Variants in KLF12 observed in about 807,000 individuals in gnomAD.
KLF12 encodes the protein Krueppel-like factor 12.
Under a neutral mutation model 37.8 loss-of-function variants are expected in KLF12, and 9 were observed. The observed-to-expected ratio is 0.24, with a 90% CI of 0.14 to 0.42. The LOEUF is 0.42. Ranked by LOEUF, KLF12 falls within the 10% of genes least tolerant of loss-of-function variation. The pLI is 1.00. For synonymous variants in KLF12, 208 were observed against 202.1 expected, an observed-to-expected ratio of 1.03 and a Z score of -0.25; for missense variants, 411 against 516.0, an observed-to-expected ratio of 0.80 and a Z score of 1.97.
intron 1 of KLF12, among the ~76,000 whole-genome samples, chr13:73,995,303 A>G (rs1892079279): frequency 6.6e-6 from 1 of 152,126 alleles, no homozygotes; most frequent in Non-Finnish European, 1.5e-5. Flanking sequence ...AATAATTAAG[A>G]CCTAGACAAA....
In KLF12 at chr13:73,898,030, G is replaced by T. The variant is rs116490011; in HGVS notation, c.123+45951C>A. Among the ~76,000 whole-genome samples, 341 of 152,182 alleles carry T rather than the reference G, an allele frequency of 2.2e-3. 2 individuals carry two copies. Among genetic ancestry groups the T allele is most frequent in the African/African-American group, 7.9e-3 (328 of 41,538 alleles). On this transcript the variant is annotated intron_variant, in intron 3 of 7. Transcript: ENST00000377669. ...AGGGGTCCTTGTAAAGATAGTTCCT[G>T]CCAGGGTACGCTCTTCTCCCTCACT...
chr13:73,923,104 T>A (rs1018470715), intron 3 of KLF12, among the ~76,000 whole-genome samples: 1 of 152,150 alleles, frequency 6.6e-6, no homozygotes, highest in Non-Finnish European at 1.5e-5. Flanking sequence ...AACATCAATA[T>A]TTTAAACAGT....
chr13:73,800,671 A>G (rs1268007672), intron 5 of KLF12: 1 of 152,026 alleles, frequency 6.6e-6, no homozygotes, highest in African/African-American at 2.4e-5. Flanking sequence ...TGACAAAATA[A>G]TCATTTTACC....
At chr13:74,128,365 T>TG (rs1391526529) in intron 1 of KLF12, among the ~76,000 whole-genome samples, 1 of 150,212 alleles carries the variant, frequency 6.7e-6, no homozygotes, top group Non-Finnish European at 1.5e-5. Context: ...GAGGGCAGTG[T>TG]GGGGGCGGTG....
In KLF12 at chr13:73,691,076, T is replaced by C. The variant is rs1302729859; in HGVS notation, c.*4414A>G. ...TATATAGTATTATAAGCCGGTTTCC[T>C]AATAAGGTAAGTAACTCACATTTCT... On this transcript the variant is annotated 3_prime_UTR_variant, in exon 8 of 8. Transcript: ENST00000377669. 6.6e-6 allele frequency: 1 copy of C among 152,666 alleles called. No individual in the cohort carries two copies. The highest frequency in any genetic ancestry group is 1.5e-5 in the Non-Finnish European group (1 of 68,042). 9.5% of individuals were successfully genotyped at this position (152,666 alleles called of 1,614,324 possible). A position where few individuals can be genotyped will look rare whatever the true frequency, so the allele number is the denominator to read the frequency against.
At chr13:73,852,908 C>T (rs1422220809) in intron 3 of KLF12, among the ~76,000 whole-genome samples, 9 of 137,682 alleles carry the variant, frequency 6.5e-5, no homozygotes, top group Admixed American at 3.0e-4. Flanking sequence ...CTTGGTCTGT[C>T]GCCCAGGCTG....
At chr13:73,978,359 AT>A (rs1891599182) in intron 2 of KLF12, among the ~76,000 whole-genome samples, 2 of 152,246 alleles carry the variant, frequency 1.3e-5, no homozygotes, top group Admixed American at 6.5e-5. Flanking sequence ...TATGAAAAAA[AT>A]ATTCCACATT....
Position 73,797,769 on chromosome 13 carries a change from CAAAAAAA to C in KLF12, c.806+15376_806+15382del, listed in dbSNP as rs34644776. Among the ~76,000 whole-genome samples, 2 of 71,672 alleles carry C rather than the reference CAAAAAAA, an allele frequency of 2.8e-5. 1 individual carries two copies. Among genetic ancestry groups the C allele is most frequent in the Non-Finnish European group, 5.3e-5 (2 of 37,628 alleles). 47.0% of individuals were successfully genotyped at this position (71,672 alleles called of 152,430 possible). On this transcript the variant is annotated intron_variant, in intron 5 of 7. Transcript: ENST00000377669. ...TGGGCAAGAGAGCAAGATCCTGTCT[CAAAAAAA>C]AAAAAAAAAAAAAAAAAGCATTACA...
At chr13:73,901,682 G>T (rs530813287) in intron 3 of KLF12, among the ~76,000 whole-genome samples, 1 of 152,184 alleles carries the variant, frequency 6.6e-6, no homozygotes, top group East Asian at 1.9e-4. Context: ...CTTCCCTAAT[G>T]CAGCAAAGCA....
At chr13:74,106,385 AT>A (rs900663773) in intron 1 of KLF12, among the ~76,000 whole-genome samples, 1 of 152,218 alleles carries the variant, frequency 6.6e-6, no homozygotes, top group Non-Finnish European at 1.5e-5. Flanking sequence ...TGTGATTAAT[AT>A]ACTTCACTAC....
intron 2 of KLF12, among the ~76,000 whole-genome samples, chr13:73,994,573 A>C (rs1892056602): frequency 6.6e-6 from 1 of 152,138 alleles, no homozygotes; most frequent in Non-Finnish European, 1.5e-5. Context: ...CTTCAGGGGC[A>C]TAGGACTGCA....
At chr13:74,182,630 A>G in the KLF12 span, among the ~76,000 whole-genome samples, 1 of 152,358 alleles carries the variant, frequency 6.6e-6, no homozygotes, top group South Asian at 2.1e-4. Context: ...CACAGTGTGC[A>G]GAAGAAAGAA....
In KLF12 at chr13:73,959,124, C is replaced by CAAAAAAA. The variant is rs66521656; in HGVS notation, c.34-15061_34-15055dup. Among the ~76,000 whole-genome samples the CAAAAAAA allele has an allele frequency of 3.1e-3, 266 of 86,890 alleles. 1 individual carries two copies. Among genetic ancestry groups the CAAAAAAA allele is most frequent in the African/African-American group, 8.4e-3 (231 of 27,376 alleles). The allele number at this position is 86,890 out of a possible 152,430, so 57.0% of individuals were successfully genotyped here. ...ATCTCTGACCTCCACACCCCCCTTC[C>CAAAAAAA]AAAAAAAAACGCAGGCAAGAAAGAC... On this transcript the variant is annotated intron_variant, in intron 2 of 7. Coordinates refer to ENST00000377669, the MANE Select transcript of KLF12 (RefSeq NM_007249.5).
the KLF12 span, among the ~76,000 whole-genome samples, chr13:74,236,168 C>T: frequency 2.1e-5 from 3 of 145,434 alleles, no homozygotes; most frequent in South Asian, 2.2e-4. Context: ...TTGTTCAATT[C>T]CCACCTATGA....
chr13:74,269,801 G>T, the KLF12 span, among the ~76,000 whole-genome samples: 45 of 152,280 alleles, frequency 3.0e-4, no homozygotes, highest in African/African-American at 1.0e-3. Flanking sequence ...TAGTGTGTGT[G>T]CGTGATCTAA....
intron 7 of KLF12, among the ~76,000 whole-genome samples, chr13:73,702,412 C>T (rs1352615584): frequency 1.3e-5 from 2 of 152,144 alleles, no homozygotes; most frequent in East Asian, 1.9e-4. Flanking sequence ...CCTCCCATTT[C>T]GCCATCTGAA....
rs570703418 is a variant in KLF12 at position 74,107,470 on chromosome 13, A to G, written c.-32+26269T>C. On this transcript the variant is annotated intron_variant, in intron 1 of 7. Transcript: ENST00000377669. ...CTCTACAGAAATAAAAGTAAAAAGG[A>G]AAGTTAACTCTTCACTTTCTTAGAT... is the stretch of plus-strand genomic sequence containing the variant. 3.2e-4 allele frequency among the ~76,000 whole-genome samples: 48 copies of G among 152,378 alleles called. 1 individual carries two copies. In the South Asian group the frequency reaches 9.1e-3, roughly 29 times the overall value.
At chr13:73,869,656 TAATATACTCAGCATATA>T (rs1165177668) in intron 3 of KLF12, among the ~76,000 whole-genome samples, 1 of 151,898 alleles carries the variant, frequency 6.6e-6, no homozygotes, top group African/African-American at 2.4e-5. Flanking sequence ...TGAGTATATA[TAATATACTCAGCATATA>T]ACATAGTTCC....
chr13:73,887,240 T>C (rs1458583540), intron 3 of KLF12, among the ~76,000 whole-genome samples: 2 of 152,192 alleles, frequency 1.3e-5, no homozygotes, highest in Admixed American at 1.3e-4. Context: ...ATAAAATTAA[T>C]GTAGTAAAGA....
Sources: allele counts gnomAD v4.1 joint callset (sites outside exome capture counted in the v4.1 genomes callset), GRCh38; gene constraint gnomAD v4.1.1; transcripts MANE v1.5; gene names NCBI Gene and HGNC (gene_info 2026-07-23, HGNC 2026-07-21).